The following TAFA1 variants were observed in gnomAD, a reference collection of about 807,000 sequenced individuals.
The protein encoded by TAFA1 is chemokine-like protein TAFA-1.
A neutral mutation model predicts 18.5 loss-of-function variants in TAFA1; 4 were observed. The observed-to-expected ratio is 0.22, with a 90% CI of 0.11 to 0.49. The LOEUF (loss-of-function observed/expected upper bound fraction) is 0.49, where lower values mean the gene tolerates loss of function less well. Among genes scored for constraint, TAFA1 ranks in the 20% least tolerant of loss-of-function variants. The pLI, the probability that TAFA1 is intolerant of heterozygous loss-of-function variation, is 0.98. For missense variants in TAFA1, 147 were observed against 169.0 expected (o/e 0.87, Z 0.72); for synonymous variants, 56 against 55.2 (o/e 1.01, Z -0.06).
intron 2 of TAFA1, among the ~76,000 whole-genome samples, chr3:68,292,739 C>T (rs904406525): frequency 1.3e-5 from 2 of 152,064 alleles, no homozygotes; most frequent in African/African-American, 2.4e-5. Flanking sequence ...GACAGGGTCT[C>T]GCTATGTTGC....
intron 2 of TAFA1, among the ~76,000 whole-genome samples, chr3:68,046,246 T>A (rs1404045603): frequency 2.0e-5 from 3 of 151,986 alleles, no homozygotes; most frequent in Non-Finnish European, 4.4e-5. Context: ...CAGGTCTAGA[T>A]GATTTTTTTT....
intron 2 of TAFA1, among the ~76,000 whole-genome samples, chr3:68,393,461 A>G (rs1360341092): frequency 6.6e-6 from 1 of 152,008 alleles, no homozygotes; most frequent in Non-Finnish European, 1.5e-5. Flanking sequence ...CATTCCTTCA[A>G]AAACTATTTC....
At position 68,490,265 on chromosome 3, in the gene TAFA1, C is replaced by A. The variant is rs111723132; in HGVS notation, c.260-48491C>A. Among the ~76,000 whole-genome samples the A allele has an allele frequency of 9.2e-5, 14 of 152,250 alleles. 1 individual carries two copies. In the South Asian group the frequency reaches 1.2e-3, roughly 14 times the overall value. On this transcript the variant is annotated intron_variant, in intron 3 of 4. Coordinates refer to ENST00000478136, the MANE Select transcript of TAFA1 (RefSeq NM_213609.4). ...TTCCAGTGAATAGTTCATCATATTACAAAATCTTGCATGGATATAAGACCA... is the reference window on the plus strand; with the variant it reads ...TTCCAGTGAATAGTTCATCATATTAAAAAATCTTGCATGGATATAAGACCA...
chr3:68,458,063 G>T (rs1469568425), intron 3 of TAFA1, among the ~76,000 whole-genome samples: 2 of 152,124 alleles, frequency 1.3e-5, no homozygotes, highest in Non-Finnish European at 2.9e-5. Flanking sequence ...TTGAATTATA[G>T]CCCCCAGTGC....
At chr3:68,054,023 A>G (rs139687561) in intron 2 of TAFA1, among the ~76,000 whole-genome samples, 136 of 152,310 alleles carry the variant, frequency 8.9e-4, no homozygotes, top group African/African-American at 3.1e-3. Context: ...CATTTTAAAA[A>G]GTATCAAAAT....
chr3:68,388,913 G>T (rs891598501), intron 2 of TAFA1, among the ~76,000 whole-genome samples: 2 of 152,016 alleles, frequency 1.3e-5, no homozygotes, highest in Non-Finnish European at 2.9e-5. Context: ...TTTGAAATCT[G>T]TTTCTTACAA....
At chr3:68,285,314 A>C (rs2067976398) in intron 2 of TAFA1, among the ~76,000 whole-genome samples, 1 of 152,176 alleles carries the variant, frequency 6.6e-6, no homozygotes, top group South Asian at 2.1e-4. Context: ...TGGGAGGGTG[A>C]AAGTGTTGTA....
intron 2 of TAFA1, among the ~76,000 whole-genome samples, chr3:68,348,719 A>G (rs2069210794): frequency 6.6e-6 from 1 of 152,078 alleles, no homozygotes; most frequent in Non-Finnish European, 1.5e-5. Flanking sequence ...TTTCTTTATG[A>G]TCCTTGTTTT....
At chr3:68,519,053 G>A (rs910061702) in intron 3 of TAFA1, among the ~76,000 whole-genome samples, 1 of 152,204 alleles carries the variant, frequency 6.6e-6, no homozygotes, top group Non-Finnish European at 1.5e-5. Context: ...GGTTGAGCTT[G>A]TTGGTCTATA....
intron 2 of TAFA1, among the ~76,000 whole-genome samples, chr3:68,114,747 T>C (rs1042540797): frequency 3.3e-5 from 5 of 152,216 alleles, no homozygotes; most frequent in African/African-American, 1.2e-4. Flanking sequence ...CTAAGAAATA[T>C]ATATGAGTGT....
At chr3:68,099,104 T>C (rs2065119468) in intron 2 of TAFA1, among the ~76,000 whole-genome samples, 1 of 152,134 alleles carries the variant, frequency 6.6e-6, no homozygotes, top group African/African-American at 2.4e-5. Flanking sequence ...TGGGAAAGAA[T>C]TTACGACTAA....
At chr3:67,995,543 G>C in the TAFA1 span, among the ~76,000 whole-genome samples, 1 of 152,012 alleles carries the variant, frequency 6.6e-6, no homozygotes, top group Admixed American at 6.6e-5. Context: ...CTCTAAACTT[G>C]TAACTGTTAG....
intron 2 of TAFA1, among the ~76,000 whole-genome samples, chr3:68,266,025 GC>G (rs1274639415): frequency 6.6e-6 from 1 of 152,118 alleles, no homozygotes; most frequent in African/African-American, 2.4e-5. Context: ...GACATAGTCA[GC>G]AAGTTCTTAT....
At chr3:68,329,562 C>T (rs2068830599) in intron 2 of TAFA1, among the ~76,000 whole-genome samples, 1 of 152,146 alleles carries the variant, frequency 6.6e-6, no homozygotes, top group Non-Finnish European at 1.5e-5. Context: ...TCTTGACTAT[C>T]AGATCCTTTT....
intron 2 of TAFA1, among the ~76,000 whole-genome samples, chr3:68,324,635 G>A (rs2068748856): frequency 6.6e-6 from 1 of 152,108 alleles, no homozygotes; most frequent in Non-Finnish European, 1.5e-5. Flanking sequence ...TGCATTTGTT[G>A]CCATTACGAA....
intron 2 of TAFA1, among the ~76,000 whole-genome samples, chr3:68,357,909 GATAGAATA>G (rs1271303108): frequency 6.6e-6 from 1 of 151,878 alleles, no homozygotes; most frequent in East Asian, 1.9e-4. Context: ...TTTAAGAGGT[GATAGAATA>G]ATATCAGATT....
chr3:68,177,750 G>A (rs1388954586), intron 2 of TAFA1, among the ~76,000 whole-genome samples: 1 of 152,144 alleles, frequency 6.6e-6, no homozygotes, highest in African/African-American at 2.4e-5. Flanking sequence ...AATCTGTCTT[G>A]TCTTTGGGCA....
chr3:68,393,242 A>G (rs1362285456), intron 2 of TAFA1, among the ~76,000 whole-genome samples: 1 of 152,306 alleles, frequency 6.6e-6, no homozygotes, highest in East Asian at 1.9e-4. Flanking sequence ...ACACAAATAA[A>G]CTGGAAAATC....
At chr3:68,391,310 GA>G (rs1324495638) in intron 2 of TAFA1, among the ~76,000 whole-genome samples, 1 of 152,046 alleles carries the variant, frequency 6.6e-6, no homozygotes, top group South Asian at 2.1e-4. Flanking sequence ...CAAGATTAGA[GA>G]AAAAAGAGAA....
Sources: gnomAD v4.1 joint callset for allele counts (sites outside exome capture counted in the v4.1 genomes callset) on GRCh38, gnomAD v4.1.1 for gene constraint, MANE v1.5 for transcripts, NCBI Gene and HGNC (gene_info 2026-07-23, HGNC 2026-07-21) for gene names.